PRTG: variants seen among roughly 807,000 people sequenced by gnomAD.
PRTG encodes the protein protogenin.
PRTG carries 67 observed loss-of-function variants against 122.5 expected under a neutral mutation model. That is an observed-to-expected ratio of 0.55 (90% CI 0.45 to 0.67). PRTG has a LOEUF of 0.67. Among genes scored for constraint, PRTG ranks in the 30% least tolerant of loss-of-function variants. PRTG has a pLI of 0.00. For synonymous variants in PRTG, 554 were observed against 501.1 expected (o/e 1.11, Z -1.41); for missense variants, 1,435 against 1,415.4 (o/e 1.01, Z -0.22).
chr15:55,630,412 C>T (rs146494590), intron 15 of PRTG, among the ~76,000 whole-genome samples: 3 of 152,168 alleles, frequency 2.0e-5, no homozygotes, highest in Admixed American at 6.6e-5. Context: ...TGTGAGTCAC[C>T]GCACCCAGCC....
At chr15:55,714,308 C>G (rs1408867231) in intron 2 of PRTG, among the ~76,000 whole-genome samples, 1 of 151,706 alleles carries the variant, frequency 6.6e-6, no homozygotes, top group Non-Finnish European at 1.5e-5. Context: ...CAACTGCAGC[C>G]TGGAACCCCT....
chr15:55,627,480 A>G (rs1253427098), intron 16 of PRTG, among the ~76,000 whole-genome samples: 2 of 144,118 alleles, frequency 1.4e-5, no homozygotes, highest in Non-Finnish European at 3.0e-5. Context: ...CCCACCACCA[A>G]CGCCCAGCTA....
chr15:55,723,901 G>T (rs903745298), intron 2 of PRTG, among the ~76,000 whole-genome samples: 2 of 151,930 alleles, frequency 1.3e-5, no homozygotes, highest in Non-Finnish European at 2.9e-5. Flanking sequence ...ACAGGTGCCT[G>T]CCACCACACC....
At chr15:55,640,949 C>CAACA (rs902180032) in intron 12 of PRTG, among the ~76,000 whole-genome samples, 164 bp downstream of exon 12, 5 of 151,582 alleles carry the variant, frequency 3.3e-5, no homozygotes, top group Admixed American at 3.3e-4. Context: ...ACCCGGGAGG[C>CAACA]AACAAACAAA....
rs950261575 is a variant in PRTG, at chr15:55,613,354, T to C, written c.*6658A>G. 2 of 152,144 alleles carry C rather than the reference T, an allele frequency of 1.3e-5. No homozygotes were observed. The highest frequency in any genetic ancestry group is 3.8e-4 in the East Asian group (2 of 5,198). 9.4% of individuals were successfully genotyped at this position (152,144 alleles called of 1,614,324 possible). Reference sequence around the variant, plus strand: ...CACCTGACTTTTTCAAGTCAATGAATTCCTGTTTGGAATATGGGAGCTACA... The same window carrying C: ...CACCTGACTTTTTCAAGTCAATGAACTCCTGTTTGGAATATGGGAGCTACA... On this transcript the variant is annotated 3_prime_UTR_variant, in exon 20 of 20. Transcript: ENST00000389286.
Position 55,628,846 on chromosome 15 carries a change from G to T in PRTG, c.2782C>A (p.Arg928Ser), listed in dbSNP as rs763790155. 6 of 1,613,576 alleles carry T rather than the reference G, an allele frequency of 3.7e-6. No individual in the cohort carries two copies. Among genetic ancestry groups the T allele is most frequent in the Non-Finnish European group, 4.2e-6 (5 of 1,179,668 alleles). The change falls in exon 16 of 20, where the codon CGT (arginine) becomes AGT (serine). Residue 928 changes from arginine to serine, a missense_variant. Arg to Ser is a moderately radical substitution (Grantham distance 110). Coordinates refer to ENST00000389286, the MANE Select transcript of PRTG (RefSeq NM_173814.6). ...CCTTTGGCATCAGCAGAATCTAAAC[G>T]CTTGGGCCTCTGATTTGATTCAGAG... ...ETSESNQRPK[R>S]LDSADAKVYS...
rs2059528321 is a variant in PRTG, at chr15:55,680,054, C to T, written c.973G>A (p.Ala325Thr). The change falls in exon 6 of 20, where the codon GCT (alanine) becomes ACT (threonine). Residue 325 changes from alanine to threonine, a missense_variant and splice_region_variant. Coordinates refer to ENST00000389286, the MANE Select transcript of PRTG (RefSeq NM_173814.6). Reference protein sequence around the residue: ...TVAMATLTVLAPPSFVEWPES... With the variant: ...TVAMATLTVLTPPSFVEWPES... ...TGATTGCAGAATGAAAGGAACATAC[C>T]TAATACAGTTAAAGTTGCCATAGCA... The T allele has an allele frequency of 6.2e-7, 1 of 1,612,730 alleles. No individual in the cohort carries two copies. The highest frequency in any genetic ancestry group is 8.5e-7 in the Non-Finnish European group (1 of 1,179,100).
At chr15:55,698,868 G>A (rs1048257606) in intron 2 of PRTG, among the ~76,000 whole-genome samples, 5 of 151,960 alleles carry the variant, frequency 3.3e-5, no homozygotes, top group Admixed American at 3.3e-4. Context: ...TGGGGAGAGG[G>A]GAGAGAGTGC....
intron 11 of PRTG, among the ~76,000 whole-genome samples, chr15:55,667,115 T>C (rs764254979): frequency 6.6e-6 from 1 of 151,700 alleles, no homozygotes; most frequent in Non-Finnish European, 1.5e-5. Flanking sequence ...TTTTTCCAAA[T>C]GTAAAGAGGA....
intron 2 of PRTG, among the ~76,000 whole-genome samples, chr15:55,694,549 T>C (rs1304972777): frequency 6.6e-6 from 1 of 152,122 alleles, no homozygotes; most frequent in African/African-American, 2.4e-5. Flanking sequence ...ATATTTTATA[T>C]CAAAACTTAG....
rs768288405 is a variant in PRTG at position 55,627,018 on chromosome 15, T to C, written c.2917A>G (p.Ser973Gly). ...GCAATGGAAACACACCTGGCTTTAC[T>C]TCGGTATATCAAGATGAGAACACAG... ...LICVLILIYRSKARKSSASKT... is the reference protein window; with the variant it reads ...LICVLILIYRGKARKSSASKT... Residue 973 changes from serine to glycine, a missense_variant, in exon 17 of 20, where the codon AGT (serine) becomes GGT (glycine). Coordinates refer to ENST00000389286, the MANE Select transcript of PRTG (RefSeq NM_173814.6). The C allele has an allele frequency of 6.2e-7, 1 of 1,606,930 alleles. No homozygotes were observed. Among genetic ancestry groups the C allele is most frequent in the Non-Finnish European group, 8.5e-7 (1 of 1,177,464 alleles).
intron 2 of PRTG, among the ~76,000 whole-genome samples, chr15:55,707,460 T>A (rs1265341806): frequency 2.0e-5 from 3 of 152,228 alleles, no homozygotes; most frequent in Non-Finnish European, 4.4e-5. Flanking sequence ...CAGTAGGAAA[T>A]AGGCTATATT....
intron 11 of PRTG, among the ~76,000 whole-genome samples, chr15:55,664,298 C>G (rs1012004104): frequency 6.6e-6 from 1 of 152,102 alleles, no homozygotes; most frequent in Non-Finnish European, 1.5e-5. Flanking sequence ...TCTGCCACAA[C>G]GCCCAGCTAA....
intron 2 of PRTG, among the ~76,000 whole-genome samples, chr15:55,697,869 T>G (rs554439947): frequency 6.6e-6 from 1 of 152,208 alleles, no homozygotes; most frequent in African/African-American, 2.4e-5. Context: ...TAACGTAAGG[T>G]AATGCATGTA....
intron 11 of PRTG, among the ~76,000 whole-genome samples, chr15:55,662,068 C>T (rs1345509758): frequency 2.0e-5 from 3 of 152,040 alleles, no homozygotes; most frequent in Non-Finnish European, 2.9e-5. Flanking sequence ...AATTCTTTTC[C>T]CAATTATTTG....
intron 2 of PRTG, among the ~76,000 whole-genome samples, chr15:55,732,298 C>A (rs1567119131): frequency 6.6e-6 from 1 of 152,130 alleles, no homozygotes; most frequent in Non-Finnish European, 1.5e-5. Flanking sequence ...AAATCTCCTG[C>A]CTCAGCCTCC....
intron 2 of PRTG, among the ~76,000 whole-genome samples, chr15:55,701,644 G>T (rs2059664442): frequency 6.6e-6 from 1 of 152,144 alleles, no homozygotes; most frequent in South Asian, 2.1e-4. Flanking sequence ...GTTTAGGAAA[G>T]CTTTATTCAT....
intron 2 of PRTG, among the ~76,000 whole-genome samples, chr15:55,705,135 G>C (rs983532462): frequency 2.0e-5 from 3 of 152,098 alleles, no homozygotes; most frequent in Non-Finnish European, 4.4e-5. Flanking sequence ...AGTAAATAAT[G>C]GAGCTGGAAG....
Position 55,700,576 on chromosome 15 carries a change from G to A in PRTG, c.398-16645C>T, listed in dbSNP as rs540830863. ...GTGGGAGGATCACTTGAACCTAAGAGTTGGAGACCAGCCTGGCCAACACAG... is the reference window on the plus strand; with the variant it reads ...GTGGGAGGATCACTTGAACCTAAGAATTGGAGACCAGCCTGGCCAACACAG... On this transcript the variant is annotated intron_variant, in intron 2 of 19. Transcript: ENST00000389286. Among the ~76,000 whole-genome samples, 230 of 152,134 alleles carry A rather than the reference G, an allele frequency of 1.5e-3. 2 individuals carry two copies. The highest frequency in any genetic ancestry group is 2.5e-3 in the Non-Finnish European group (173 of 67,998).
Sources: allele counts gnomAD v4.1 joint callset (sites outside exome capture counted in the v4.1 genomes callset), GRCh38; gene constraint gnomAD v4.1.1; transcripts MANE v1.5; gene names NCBI Gene and HGNC (gene_info 2026-07-23, HGNC 2026-07-21).